Variants in ARHGEF3 observed in about 807,000 individuals in gnomAD.
ARHGEF3 encodes the protein Rho guanine nucleotide exchange factor 3.
ARHGEF3 carries 28 observed loss-of-function variants against 63.2 expected under a neutral mutation model. The ratio of observed to expected loss-of-function variants is 0.44; its 90% confidence interval spans 0.33 to 0.61. The LOEUF is 0.61. Ranked by LOEUF, ARHGEF3 falls within the 20% of genes least tolerant of loss-of-function variation. The pLI is 0.03. For synonymous variants in ARHGEF3, 266 were observed against 254.2 expected (o/e 1.05, Z -0.44); for missense variants, 533 against 659.3 (o/e 0.81, Z 2.10).
chr3:56,742,411 A>AT (rs529701603), intron 7 of ARHGEF3, among the ~76,000 whole-genome samples: 27 of 152,342 alleles, frequency 1.8e-4, no homozygotes, highest in African/African-American at 4.6e-4. Context: ...TAGGCACTGC[A>AT]TTAAAGGCAA....
chr3:57,042,446 TGA>T (rs1365931315), intron 1 of ARHGEF3, among the ~76,000 whole-genome samples: 1 of 151,728 alleles, frequency 6.6e-6, no homozygotes, highest in Non-Finnish European at 1.5e-5. Context: ...CAGTGGTGGA[TGA>T]GAGCCAGCAC....
At chr3:56,748,979 C>T (rs1053549167) in intron 6 of ARHGEF3, among the ~76,000 whole-genome samples, 1 of 131,654 alleles carries the variant, frequency 7.6e-6, no homozygotes, top group Non-Finnish European at 1.5e-5. Flanking sequence ...TCGAATGGGA[C>T]TCTTCTCATC....
chr3:56,868,399 C>A (rs529236656), intron 4 of ARHGEF3, among the ~76,000 whole-genome samples: 2 of 150,962 alleles, frequency 1.3e-5, no homozygotes, highest in South Asian at 2.1e-4. Context: ...CGCTCTGTCA[C>A]CCAGGCTGGA....
intron 1 of ARHGEF3, among the ~76,000 whole-genome samples, chr3:57,069,246 A>G (rs114150159): frequency 3.8e-4 from 58 of 152,258 alleles, no homozygotes; most frequent in African/African-American, 1.4e-3. Flanking sequence ...GAAGACCTCA[A>G]AACATATATT....
rs143709944 is a variant in ARHGEF3 at position 56,891,214 on chromosome 3, C to T, written c.130-8860G>A. 2.4e-3 allele frequency among the ~76,000 whole-genome samples: 372 copies of T among 151,966 alleles called. 2 individuals are homozygous for T. The highest frequency in any genetic ancestry group is 8.5e-3 in the African/African-American group (350 of 41,414). ...AAAAAAAAAAATAGAGACGAGATCT[C>T]CCTATGTCTTGCAGGCTGGTCTCAA... is the stretch of plus-strand genomic sequence containing the variant. On this transcript the variant is annotated intron_variant, in intron 3 of 12. Transcript: ENST00000338458.
intron 4 of ARHGEF3, among the ~76,000 whole-genome samples, chr3:56,870,219 T>C (rs1233100532): frequency 6.6e-6 from 1 of 152,130 alleles, no homozygotes; most frequent in East Asian, 1.9e-4. Flanking sequence ...AAGAATAAGA[T>C]ACAGCTTACA....
At chr3:56,899,948 G>A (rs959557241) in intron 3 of ARHGEF3, among the ~76,000 whole-genome samples, 1 of 152,216 alleles carries the variant, frequency 6.6e-6, no homozygotes, top group African/African-American at 2.4e-5. Context: ...AAATGGGAGT[G>A]CTTGGGCGAC....
intron 1 of ARHGEF3, among the ~76,000 whole-genome samples, chr3:56,783,792 A>G (rs146459288): frequency 3.6e-4 from 55 of 152,352 alleles, no homozygotes; most frequent in Admixed American, 1.1e-3. Context: ...AGTCAACATT[A>G]TAAGGGTAAG....
chr3:57,039,330 C>T (rs1704084506), intron 1 of ARHGEF3, among the ~76,000 whole-genome samples: 1 of 152,170 alleles, frequency 6.6e-6, no homozygotes, highest in South Asian at 2.1e-4. Context: ...TGTGAAGCAA[C>T]CAGCACTCTC....
In ARHGEF3 at chr3:56,936,250, C is replaced by T. The variant is rs17825636; in HGVS notation, c.129+22573G>A. ...AGTGCCACATACAAGGAGGAGACACCGGGAGCAGAACCTATAGGTCAGTAA... is the reference window on the plus strand; with the variant it reads ...AGTGCCACATACAAGGAGGAGACACTGGGAGCAGAACCTATAGGTCAGTAA... On this transcript the variant is annotated intron_variant, in intron 3 of 12. Transcript: ENST00000338458. Among the ~76,000 whole-genome samples the T allele has an allele frequency of 1.4e-4, 21 of 152,030 alleles. No homozygotes were observed. The South Asian group carries it at 2.1e-3, about 15-fold the overall frequency.
At chr3:56,763,996 A>T (rs989114697) in intron 2 of ARHGEF3, among the ~76,000 whole-genome samples, 74 of 152,226 alleles carry the variant, frequency 4.9e-4, no homozygotes, top group Non-Finnish European at 8.8e-5. Context: ...ACACTGAGTT[A>T]GAAATGGTGC....
At chr3:56,859,429 G>T (rs572355743) in intron 4 of ARHGEF3, among the ~76,000 whole-genome samples, 1 of 151,052 alleles carries the variant, frequency 6.6e-6, no homozygotes, top group African/African-American at 2.4e-5. Context: ...AGGAGCCACC[G>T]TGCTCAGCCT....
At chr3:56,847,807 A>G (rs893126278) in intron 4 of ARHGEF3, among the ~76,000 whole-genome samples, 1 of 152,156 alleles carries the variant, frequency 6.6e-6, no homozygotes, top group Non-Finnish European at 1.5e-5. Flanking sequence ...TGAACTCCTG[A>G]CCTCAGGCAG....
upstream of ARHGEF3, among the ~76,000 whole-genome samples, chr3:56,806,754 TCCCATGACTGGGAG>T (rs2037874618): frequency 6.6e-6 from 1 of 152,132 alleles, no homozygotes; most frequent in Admixed American, 6.5e-5. Context: ...TAAATCCCAG[TCCCATGACTGGGAG>T]CAGAGCAGGC....
At chr3:57,002,506 A>ATG (rs1702281728) in intron 2 of ARHGEF3, among the ~76,000 whole-genome samples, 4 of 76,394 alleles carry the variant, frequency 5.2e-5, no homozygotes, top group African/African-American at 1.3e-4. Flanking sequence ...TGTTATATAT[A>ATG]TATATATGTT....
At chr3:57,001,978 C>A (rs1468234764) in intron 2 of ARHGEF3, among the ~76,000 whole-genome samples, 1 of 124,548 alleles carries the variant, frequency 8.0e-6, no homozygotes, top group Non-Finnish European at 1.6e-5. Flanking sequence ...GGCTGGAGTG[C>A]AGTGGCGTGA....
At chr3:56,801,654 G>A (rs1245158376) in intron 1 of ARHGEF3, 49 bp downstream of exon 1, 16 of 1,541,650 alleles carry the variant, frequency 1.0e-5, no homozygotes, top group Admixed American at 2.0e-5. Context: ...GGAGGCAGAC[G>A]AGACAGGCAG....
intron 3 of ARHGEF3, among the ~76,000 whole-genome samples, chr3:56,887,676 T>A (rs536043300): frequency 6.4e-4 from 98 of 152,312 alleles, no homozygotes; most frequent in African/African-American, 2.4e-3. Flanking sequence ...TCTGACAGGT[T>A]CCCAGCCAAT....
intron 2 of ARHGEF3, among the ~76,000 whole-genome samples, chr3:56,993,962 G>T (rs1357932157): frequency 1.3e-5 from 2 of 149,232 alleles, no homozygotes; most frequent in African/African-American, 4.9e-5. Flanking sequence ...TACTCAGGAG[G>T]CTGAGGCAGG....
Sources: gnomAD v4.1 joint callset for allele counts (sites outside exome capture counted in the v4.1 genomes callset) on GRCh38, gnomAD v4.1.1 for gene constraint, MANE v1.5 for transcripts, NCBI Gene and HGNC (gene_info 2026-07-23, HGNC 2026-07-21) for gene names.